KDM6A: variants seen among roughly 807,000 people sequenced by gnomAD.
The protein encoded by KDM6A is lysine-specific demethylase 6A.
In KDM6A, 11 loss-of-function variants were observed where a neutral mutation model predicts 117.6. The observed-to-expected ratio is 0.09, with a 90% confidence interval of 0.06 to 0.15. The LOEUF (loss-of-function observed/expected upper bound fraction) is 0.15. Ranked by LOEUF, KDM6A falls within the 10% of genes least tolerant of loss-of-function variation. The pLI is 1.00. For missense variants in KDM6A, 799 were observed against 1,077.3 expected (o/e 0.74, Z 3.62); for synonymous variants, 384 against 396.1 (o/e 0.97, Z 0.36).
At chrX:44,963,594 C>G (rs2038847246) in intron 3 of KDM6A, among the ~76,000 whole-genome samples, 1 of 110,549 alleles carries the variant, frequency 9.0e-6, no homozygotes, top group East Asian at 2.8e-4. Flanking sequence ...CTTATCCATT[C>G]AGGCTCCACT....
At position 45,020,702 on chromosome X, in the gene KDM6A, T is replaced by G. The variant is rs1333602595; in HGVS notation, c.536T>G (p.Val179Gly). 8.3e-7 allele frequency: 1 copy of G among 1,210,285 alleles called. No homozygotes were observed. The highest frequency in any genetic ancestry group is 2.2e-5 in the Admixed American group (1 of 46,043). Reference sequence around the variant, plus strand: ...TTACGACTTGGGCTTATGTTCAAAGTGAACACAGACTATGAGTCTAGTTTA... The same window carrying G: ...TTACGACTTGGGCTTATGTTCAAAGGGAACACAGACTATGAGTCTAGTTTA... The part of the protein sequence containing the change: ...IHLRLGLMFK[V>G]NTDYESSLKH... The change falls in exon 6 of 30, where the codon GTG (valine) becomes GGG (glycine). Residue 179 changes from valine to glycine, a missense_variant. This residue lies in a region of KDM6A where 63 missense variants were observed against 68.2 expected (regional missense o/e 0.92). Transcript: ENST00000611820.
intron 4 of KDM6A, among the ~76,000 whole-genome samples, chrX:45,002,294 A>G (rs1316736166): frequency 9.0e-6 from 1 of 111,043 alleles, no homozygotes; most frequent in African/African-American, 3.3e-5. Flanking sequence ...TCCAATTTTA[A>G]TGTCTGACCA....
intron 2 of KDM6A, among the ~76,000 whole-genome samples, chrX:44,914,908 T>C (rs757722376): frequency 3.6e-5 from 4 of 111,347 alleles, no homozygotes; most frequent in Non-Finnish European, 7.5e-5. Flanking sequence ...ATACAGCCAC[T>C]GTCTTACACT....
intron 5 of KDM6A, among the ~76,000 whole-genome samples, chrX:45,018,527 T>C: frequency 1.8e-5 from 2 of 111,725 alleles, no homozygotes; most frequent in Middle Eastern, 4.6e-3. Context: ...GGAAAAGATG[T>C]CTGTGCTAAA....
chrX:45,047,834 C>T (rs776518308), intron 8 of KDM6A, among the ~76,000 whole-genome samples: 79 of 106,391 alleles, frequency 7.4e-4, no homozygotes, highest in African/African-American at 2.4e-3. Context: ...CAGGCGCGTG[C>T]CATCACACTC....
At chrX:45,053,568 A>C (rs1410002583) in intron 9 of KDM6A, among the ~76,000 whole-genome samples, 1 of 112,388 alleles carries the variant, frequency 8.9e-6, no homozygotes, top group East Asian at 2.8e-4. Flanking sequence ...CTGATTTATA[A>C]TCTGTTATAT....
intron 5 of KDM6A, among the ~76,000 whole-genome samples, chrX:45,018,898 C>G (rs2042071469): frequency 9.0e-6 from 1 of 111,162 alleles, no homozygotes. Flanking sequence ...ATATAACATA[C>G]CTACAGAAAA....
chrX:45,020,834 G>A, intron 6 of KDM6A, 104 bp downstream of exon 6: 1 of 945,443 alleles, frequency 1.1e-6, no homozygotes, highest in Non-Finnish European at 1.5e-6. Flanking sequence ...AATTTATATT[G>A]GCACTTTAAA....
intron 27 of KDM6A, among the ~76,000 whole-genome samples, chrX:45,097,021 T>C (rs764670940): frequency 1.8e-5 from 2 of 112,169 alleles, no homozygotes; most frequent in South Asian, 3.7e-4. Flanking sequence ...TGGATTACTA[T>C]ACAGCTATAA....
At chrX:44,984,320 C>T in intron 4 of KDM6A, among the ~76,000 whole-genome samples, 1 of 111,695 alleles carries the variant, frequency 9.0e-6, no homozygotes, top group Middle Eastern at 4.6e-3. Context: ...AGCCCTTTGT[C>T]AGATGAGTAG....
intron 2 of KDM6A, among the ~76,000 whole-genome samples, chrX:44,889,328 T>C (rs1219004733): frequency 8.9e-6 from 1 of 112,433 alleles, no homozygotes; most frequent in Non-Finnish European, 1.9e-5. Context: ...AGTAAGCTTT[T>C]GTTGGATTTT....
intron 3 of KDM6A, among the ~76,000 whole-genome samples, chrX:44,962,653 G>A (rs1013964687): frequency 1.8e-5 from 2 of 112,099 alleles, no homozygotes; most frequent in African/African-American, 3.3e-5. Flanking sequence ...AATTTATTGC[G>A]AATATTGTAA....
intron 4 of KDM6A, among the ~76,000 whole-genome samples, chrX:44,981,389 TGAA>T (rs1335627732): frequency 8.9e-6 from 1 of 111,901 alleles, no homozygotes. Flanking sequence ...TGGGTACAGA[TGAA>T]GAGATGCATA....
At chrX:44,922,224 A>G (rs146575051) in intron 2 of KDM6A, among the ~76,000 whole-genome samples, 1,998 of 101,903 alleles carry the variant, frequency 0.02, 49 homozygotes, top group African/African-American at 0.068. Flanking sequence ...TTGTGTTTTT[A>G]GTAGAGGTGG....
intron 4 of KDM6A, among the ~76,000 whole-genome samples, chrX:45,007,468 G>T (rs1048481331): frequency 5.4e-5 from 6 of 110,786 alleles, no homozygotes; most frequent in Non-Finnish European, 1.1e-4. Context: ...GTTGTTTAGG[G>T]CTGGACTAAA....
chrX:44,960,912 TGTGG>T (rs1474760378), intron 2 of KDM6A, among the ~76,000 whole-genome samples: 3 of 112,095 alleles, frequency 2.7e-5, no homozygotes, highest in African/African-American at 9.7e-5. Flanking sequence ...TCTTCTCACC[TGTGG>T]GAAAGATGCA....
chrX:44,971,899 A>G (rs1279015679), intron 3 of KDM6A, among the ~76,000 whole-genome samples: 3 of 110,135 alleles, frequency 2.7e-5, no homozygotes, highest in African/African-American at 1.0e-4. Flanking sequence ...TGCTGGCTCC[A>G]CTGGGGCGCC....
At chrX:44,911,119 C>T (rs1433703932) in intron 2 of KDM6A, among the ~76,000 whole-genome samples, 3 of 103,219 alleles carry the variant, frequency 2.9e-5, no homozygotes, top group East Asian at 3.3e-4. Flanking sequence ...GCTGGCCGGG[C>T]GGGGGCTGGC....
intron 4 of KDM6A, among the ~76,000 whole-genome samples, chrX:44,985,507 T>G (rs1039395120): frequency 1.8e-5 from 2 of 111,674 alleles, no homozygotes; most frequent in East Asian, 2.8e-4. Context: ...AGGGAGTGTT[T>G]CCAGTTTTTG....
Sources: gnomAD v4.1 joint callset for allele counts (sites outside exome capture counted in the v4.1 genomes callset) on GRCh38, gnomAD v4.1.1 for gene constraint, gnomAD v4.1.1 regional missense constraint, MANE v1.5 for transcripts, NCBI Gene and HGNC (gene_info 2026-07-23, HGNC 2026-07-21) for gene names.